SDCCAG8: variants seen among roughly 807,000 people sequenced by gnomAD.
The protein encoded by SDCCAG8 is SHH signaling and ciliogenesis regulator SDCCAG8, also known as serologically defined colon cancer antigen 8.
A neutral mutation model predicts 101.8 loss-of-function variants in SDCCAG8; 74 were observed. That is an observed-to-expected ratio of 0.73 (90% CI 0.60 to 0.88). The LOEUF (loss-of-function observed/expected upper bound fraction) is 0.88, where lower values mean the gene tolerates loss of function less well. Among genes scored for constraint, SDCCAG8 ranks in the 40% least tolerant of loss-of-function variants. The pLI is 0.00. For synonymous variants in SDCCAG8, 281 were observed against 292.9 expected (o/e 0.96, Z 0.41); for missense variants, 787 against 822.6 (o/e 0.96, Z 0.53).
intron 13 of SDCCAG8, among the ~76,000 whole-genome samples, chr1:243,413,656 G>T (rs2080347727): frequency 6.6e-6 from 1 of 152,110 alleles, no homozygotes; most frequent in African/African-American, 2.4e-5. Context: ...TATTAATAGT[G>T]CCCCTTTCAC....
At chr1:243,475,509 C>T (rs1662230469) in intron 16 of SDCCAG8, among the ~76,000 whole-genome samples, 1 of 152,102 alleles carries the variant, frequency 6.6e-6, no homozygotes, top group Non-Finnish European at 1.5e-5. Flanking sequence ...TATGGGGCTC[C>T]ATAAGCAACA....
intron 13 of SDCCAG8, among the ~76,000 whole-genome samples, chr1:243,403,111 T>C (rs1243865889): frequency 6.6e-6 from 1 of 152,256 alleles, no homozygotes; most frequent in Non-Finnish European, 1.5e-5. Flanking sequence ...TGATCTGGGC[T>C]GGACGTTGCC....
chr1:243,321,170 G>T (rs913715134), intron 9 of SDCCAG8, among the ~76,000 whole-genome samples: 67 of 152,018 alleles, frequency 4.4e-4, no homozygotes, highest in African/African-American at 1.6e-3. Context: ...CCTCTGGTGG[G>T]CACATTTACC....
intron 12 of SDCCAG8, among the ~76,000 whole-genome samples, chr1:243,361,793 C>T (rs1181637653): frequency 6.6e-6 from 1 of 152,216 alleles, no homozygotes; most frequent in East Asian, 1.9e-4. Context: ...GTTATTCTCT[C>T]ACAGCACCTC....
chr1:243,288,805 G>T (rs1197197264), intron 5 of SDCCAG8, among the ~76,000 whole-genome samples: 1 of 152,068 alleles, frequency 6.6e-6, no homozygotes, highest in Non-Finnish European at 1.5e-5. Flanking sequence ...TCAGGAAATA[G>T]AGACCATCCT....
At chr1:243,330,158 G>A (rs181801827) in intron 9 of SDCCAG8, among the ~76,000 whole-genome samples, 1 of 152,126 alleles carries the variant, frequency 6.6e-6, no homozygotes, top group African/African-American at 2.4e-5. Flanking sequence ...GAGCAAATAA[G>A]AAATCAGTTA....
In SDCCAG8 at chr1:243,308,174, TTAAG is replaced by T; in HGVS notation, c.929+4_929+7del. 6.2e-7 allele frequency: 1 copy of T among 1,614,142 alleles called. No homozygotes were observed. The highest frequency in any genetic ancestry group is 8.5e-7 in the Non-Finnish European group (1 of 1,180,008). Reference sequence around the variant, plus strand: ...CATATGCAGACCATCGAAAGACTGGTTAAGTAAGTATGCTTCTACGCGCACGGAG... The same window carrying T: ...CATATGCAGACCATCGAAAGACTGGTTAAGTATGCTTCTACGCGCACGGAG... On this transcript the variant is annotated splice_donor_variant and coding_sequence_variant, in exon 8 of 18. Transcript: ENST00000366541. LOFTEE classifies it high-confidence loss of function.
chr1:243,477,071 G>A (rs1662590157), intron 16 of SDCCAG8, among the ~76,000 whole-genome samples: 2 of 151,920 alleles, frequency 1.3e-5, no homozygotes. Flanking sequence ...ATCAGATGGG[G>A]CAAAATTATT....
At chr1:243,485,182 C>T (rs1387556148) in intron 16 of SDCCAG8, among the ~76,000 whole-genome samples, 1 of 152,186 alleles carries the variant, frequency 6.6e-6, no homozygotes, top group Non-Finnish European at 1.5e-5. Flanking sequence ...TGACTCCGAG[C>T]TTTACCGATT....
chr1:243,430,468 G>A (rs750384464), intron 16 of SDCCAG8, among the ~76,000 whole-genome samples: 1 of 151,568 alleles, frequency 6.6e-6, no homozygotes, highest in Admixed American at 6.6e-5. Context: ...TTTTTGATAC[G>A]GAGTCTCTCT....
intron 16 of SDCCAG8, among the ~76,000 whole-genome samples, chr1:243,485,356 G>A (rs1664577389): frequency 6.6e-6 from 1 of 152,212 alleles, no homozygotes; most frequent in African/African-American, 2.4e-5. Context: ...ATAGGTAATT[G>A]TGGCGCAGTG....
At chr1:243,290,372 G>T (rs2070125782) in intron 5 of SDCCAG8, among the ~76,000 whole-genome samples, 2 of 152,118 alleles carry the variant, frequency 1.3e-5, no homozygotes, top group Admixed American at 1.3e-4. Context: ...TCTTTCCAAA[G>T]AATGATAATA....
chr1:243,468,425 T>C (rs1324527271), intron 16 of SDCCAG8, among the ~76,000 whole-genome samples: 7 of 152,072 alleles, frequency 4.6e-5, no homozygotes, highest in Admixed American at 4.6e-4. Flanking sequence ...ACCATATTGG[T>C]CAGGCTGGTC....
intron 16 of SDCCAG8, among the ~76,000 whole-genome samples, chr1:243,435,311 T>C (rs1282548385): frequency 6.6e-6 from 1 of 152,226 alleles, no homozygotes; most frequent in African/African-American, 2.4e-5. Flanking sequence ...AAACTTCATC[T>C]TCCTCACTTT....
intron 17 of SDCCAG8, among the ~76,000 whole-genome samples, chr1:243,490,464 C>A (rs1666133285): frequency 6.6e-6 from 1 of 152,352 alleles, no homozygotes; most frequent in Admixed American, 6.5e-5. Flanking sequence ...GACGACACTA[C>A]ATTTTGAAAA....
chr1:243,471,178 A>G (rs1285185727), intron 16 of SDCCAG8, among the ~76,000 whole-genome samples: 1 of 152,062 alleles, frequency 6.6e-6, no homozygotes, highest in Non-Finnish European at 1.5e-5. Flanking sequence ...GGATTAGCAG[A>G]GTCGGGATGG....
rs1414792039 is a variant in SDCCAG8 at position 243,427,620 on chromosome 1, A to G, written c.1985+1062A>G. On this transcript the variant is annotated intron_variant, in intron 16 of 17. Coordinates refer to ENST00000366541, the MANE Select transcript of SDCCAG8 (RefSeq NM_006642.5). ...CAAAAACAGTTCTTGATATAATTGA[A>G]GGAAATGAAAATATTTATAGACTCC... 3.2e-4 allele frequency among the ~76,000 whole-genome samples: 49 copies of G among 152,108 alleles called. 1 individual carries two copies. The highest frequency in any genetic ancestry group is 1.0e-4 in the Non-Finnish European group (7 of 68,032).
At chr1:243,438,647 T>C (rs2082317002) in intron 16 of SDCCAG8, among the ~76,000 whole-genome samples, 1 of 152,006 alleles carries the variant, frequency 6.6e-6, no homozygotes, top group East Asian at 1.9e-4. Flanking sequence ...GTAAAAATGT[T>C]TAGGATTTCT....
intron 12 of SDCCAG8, among the ~76,000 whole-genome samples, chr1:243,353,840 A>G (rs1558342040): frequency 6.6e-6 from 1 of 152,158 alleles, no homozygotes; most frequent in Non-Finnish European, 1.5e-5. Flanking sequence ...TATGTATTTC[A>G]TTTGCTTTGT....
Sources: gnomAD v4.1 joint callset for allele counts (sites outside exome capture counted in the v4.1 genomes callset) on GRCh38, gnomAD v4.1.1 for gene constraint, MANE v1.5 for transcripts, NCBI Gene and HGNC (gene_info 2026-07-23, HGNC 2026-07-21) for gene names.